DCLRE1C: variants seen among roughly 807,000 people sequenced by gnomAD.
DCLRE1C encodes the protein protein artemis.
Under a neutral mutation model 61.4 loss-of-function variants are expected in DCLRE1C, and 47 were observed. The observed-to-expected ratio is 0.77, with a 90% confidence interval of 0.61 to 0.98. DCLRE1C has a LOEUF of 0.98. Among genes scored for constraint, DCLRE1C ranks in the 50% least tolerant of loss-of-function variants. The probability of loss-of-function intolerance (pLI) is 0.00; values close to 1 mark genes in which losing one functional copy is unlikely to be tolerated. For synonymous variants in DCLRE1C, 337 were observed against 287.6 expected, an observed-to-expected ratio of 1.17 and a Z score of -1.74; for missense variants, 858 against 816.0, an observed-to-expected ratio of 1.05 and a Z score of -0.63.
intron 6 of DCLRE1C, 99 bp downstream of exon 6, chr10:14,935,364 G>T (rs1157654598): frequency 2.3e-6 from 3 of 1,325,512 alleles, no homozygotes; most frequent in Non-Finnish European, 2.1e-6. Context: ...TACTTGGGAG[G>T]CTGAGGCAGG....
intron 13 of DCLRE1C, among the ~76,000 whole-genome samples, chr10:14,913,957 G>A (rs1243633457): frequency 6.6e-6 from 1 of 152,220 alleles, no homozygotes; most frequent in East Asian, 1.9e-4. Context: ...AGATTAAACA[G>A]AATCAGTCAG....
chr10:14,953,292 C>T (rs958665756), intron 1 of DCLRE1C, among the ~76,000 whole-genome samples: 1 of 152,198 alleles, frequency 6.6e-6, no homozygotes, highest in African/African-American at 2.4e-5. Flanking sequence ...GACACTCTAA[C>T]CTTAATCCCT....
In DCLRE1C at chr10:14,906,240, G is replaced by T. The variant is rs1293067652; in HGVS notation, c.*2168C>A. Among the ~76,000 whole-genome samples, 2 of 152,094 alleles carry T rather than the reference G, an allele frequency of 1.3e-5. No homozygotes were observed. Among genetic ancestry groups the T allele is most frequent in the Non-Finnish European group, 2.9e-5 (2 of 68,008 alleles). Reference sequence around the variant, plus strand: ...GATTAGAAATGTATCTACCTCAAAGGGTGGTTGTGAAAATTAAAGGAGTTC... The same window carrying T: ...GATTAGAAATGTATCTACCTCAAAGTGTGGTTGTGAAAATTAAAGGAGTTC... On this transcript the variant is annotated 3_prime_UTR_variant, in exon 14 of 14. Transcript: ENST00000378278.
chr10:14,909,168 C>T lies in DCLRE1C; in HGVS notation c.1319G>A (p.Cys440Tyr). 2.5e-6 allele frequency: 4 copies of T among 1,614,202 alleles called. No homozygotes were observed. Among genetic ancestry groups the T allele is most frequent in the Non-Finnish European group, 3.4e-6 (4 of 1,180,030 alleles). ...RQTPGCCRAE[C>Y]MQSSRFTNFV... ...GTTTGTGAAACGAGAGCTCTGCATA[C>T]ACTCTGCTCTGCAGCATCCTGGGGT... Residue 440 changes from cysteine (C) to tyrosine (Y), a missense_variant, in exon 14 of 14, where the codon TGT becomes TAT. Physicochemically the swap from Cys to Tyr is radical, Grantham distance 194. This residue lies in a region of DCLRE1C where 843 missense variants were observed against 783.5 expected (regional missense o/e 1.08). Coordinates refer to ENST00000378278, the MANE Select transcript of DCLRE1C (RefSeq NM_001033855.3).
At chr10:14,946,422 T>C (rs1841698170) in intron 2 of DCLRE1C, among the ~76,000 whole-genome samples, 1 of 152,188 alleles carries the variant, frequency 6.6e-6, no homozygotes, top group African/African-American at 2.4e-5. Flanking sequence ...ATACATGCTC[T>C]CCTTACAAAA....
Position 14,912,650 on chromosome 10 carries a change from C to T in DCLRE1C, c.1157-3320G>A, listed in dbSNP as rs182349063. Among the ~76,000 whole-genome samples the T allele has an allele frequency of 1.6e-3, 236 of 152,198 alleles. 3 individuals are homozygous for T. The highest frequency in any genetic ancestry group is 4.0e-4 in the Non-Finnish European group (27 of 68,014). On this transcript the variant is annotated intron_variant, in intron 13 of 13. Transcript: ENST00000378278. ...ATAGATGTACCTTGAAAAGATAATG[C>T]GAAATAAAAGCCAGGCACAAAATAG...
At position 14,932,841 on chromosome 10, in the gene DCLRE1C, C is replaced by T; in HGVS notation, c.780+13G>A. ...TACACAAACAATACGAGAGGAATCA[C>T]TTGCACACGTACCTTGGGATGCCGG... On this transcript the variant is annotated intron_variant, in intron 9 of 13. Coordinates refer to ENST00000378278, the MANE Select transcript of DCLRE1C (RefSeq NM_001033855.3). 4 of 1,613,484 alleles carry T rather than the reference C, an allele frequency of 2.5e-6. No individual in the cohort carries two copies. The highest frequency in any genetic ancestry group is 3.4e-6 in the Non-Finnish European group (4 of 1,179,418).
chr10:14,927,921 A>AT, intron 10 of DCLRE1C, 95 bp downstream of exon 10: 1 of 1,021,764 alleles, frequency 9.8e-7, no homozygotes. Flanking sequence ...ATATAATTAT[A>AT]TTCTTGGGCT....
downstream of DCLRE1C, among the ~76,000 whole-genome samples, chr10:14,900,103 CAT>C (rs1201412606): frequency 6.6e-6 from 1 of 152,104 alleles, no homozygotes; most frequent in African/African-American, 2.4e-5. Context: ...AAAATGTAAA[CAT>C]GTTAACTTTT....
chr10:14,947,685 G>T (rs968936188), intron 2 of DCLRE1C: 3 of 152,184 alleles, frequency 2.0e-5, no homozygotes, highest in Admixed American at 6.5e-5. Context: ...AGGTACAAGT[G>T]TGCAGAGCCT....
Position 14,908,823 on chromosome 10 carries a change from G to C in DCLRE1C, c.1664C>G (p.Ser555Cys), listed in dbSNP as rs1366218011. 1 of 1,614,098 alleles carries C rather than the reference G, an allele frequency of 6.2e-7. No individual in the cohort carries two copies. The highest frequency in any genetic ancestry group is 1.3e-5 in the African/African-American group (1 of 74,920). Residue 555 changes from serine (S) to cysteine (C), a missense_variant, in exon 14 of 14, where the codon TCT (serine) becomes TGT (cysteine). By Grantham distance (112) the Ser-to-Cys change is moderately radical. Transcript: ENST00000378278. Reference protein sequence around the residue: ...EQGSQGWDSQSDTVLLSSQER... With the variant: ...EQGSQGWDSQCDTVLLSSQER... ...TTGGGAAGATAACAAAACAGTATCA[G>C]ATTGGCTGTCCCAGCCTTGACTTCC...
chr10:14,926,763 G>A (rs1007667163), intron 11 of DCLRE1C, 80 bp downstream of exon 11: 14 of 1,103,994 alleles, frequency 1.3e-5, no homozygotes, highest in Non-Finnish European at 1.9e-5. Context: ...ATGCTTCTGA[G>A]AGTCAGGGGA....
intron 3 of DCLRE1C, among the ~76,000 whole-genome samples, chr10:14,940,289 TA>T (rs143597075): frequency 0.64 from 89,019 of 139,794 alleles, 28,447 homozygotes; most frequent in Middle Eastern, 0.74. Flanking sequence ...ACGGTTCTTT[TA>T]TTTTTTTTTT....
chr10:14,950,120 C>A (rs969037474), intron 1 of DCLRE1C, among the ~76,000 whole-genome samples: 5 of 152,098 alleles, frequency 3.3e-5, no homozygotes, highest in Admixed American at 2.6e-4. Flanking sequence ...GCAGGCGGAT[C>A]ACCTGAGGTT....
intron 1 of DCLRE1C, among the ~76,000 whole-genome samples, chr10:14,953,290 A>C (rs1220030910): frequency 1.3e-5 from 2 of 152,198 alleles, no homozygotes; most frequent in African/African-American, 4.8e-5. Flanking sequence ...GCGACACTCT[A>C]ACCTTAATCC....
upstream of DCLRE1C, chr10:14,954,333 G>A: frequency 2.3e-6 from 1 of 443,326 alleles, no homozygotes; most frequent in Non-Finnish European, 4.2e-6. Context: ...CTGTGGAGGT[G>A]CAGTCGCGGG....
At chr10:14,910,052 A>G (rs534066639) in intron 13 of DCLRE1C, among the ~76,000 whole-genome samples, 5 of 152,348 alleles carry the variant, frequency 3.3e-5, no homozygotes, top group South Asian at 4.1e-4. Flanking sequence ...ACTACTGTGT[A>G]TGGCAACTTC....
At chr10:14,901,700 G>A (rs941500480), downstream of DCLRE1C, among the ~76,000 whole-genome samples, 3 of 151,894 alleles carry the variant, frequency 2.0e-5, no homozygotes, top group South Asian at 2.1e-4. Context: ...GCGTGGTGGC[G>A]TGTGCCTGTA....
At chr10:14,946,469 A>G (rs1023023181) in intron 2 of DCLRE1C, among the ~76,000 whole-genome samples, 5 of 152,286 alleles carry the variant, frequency 3.3e-5, no homozygotes, top group Non-Finnish European at 5.9e-5. Context: ...GGCGGGGTCT[A>G]TGTTCCCTCC....
Sources: allele counts gnomAD v4.1 joint callset (sites outside exome capture counted in the v4.1 genomes callset), GRCh38; gene constraint gnomAD v4.1.1; regional missense constraint gnomAD v4.1.1; transcripts MANE v1.5; gene names NCBI Gene and HGNC (gene_info 2026-07-23, HGNC 2026-07-21).